The following CCDC7 variants were observed in gnomAD, a reference collection of about 807,000 sequenced individuals.
The protein encoded by CCDC7 is coiled-coil domain-containing protein 7.
A neutral mutation model predicts 196.9 loss-of-function variants in CCDC7; 183 were observed. The observed-to-expected ratio is 0.93, with a 90% CI of 0.82 to 1.05. The LOEUF (loss-of-function observed/expected upper bound fraction) is 1.05. Ranked by LOEUF, CCDC7 falls within the 50% of genes least tolerant of loss-of-function variation. The pLI is 0.00. For synonymous variants in CCDC7, 525 were observed against 484.6 expected (o/e 1.08, Z -1.10); for missense variants, 1,540 against 1,482.2 (o/e 1.04, Z -0.64).
intron 41 of CCDC7, among the ~76,000 whole-genome samples, chr10:32,867,748 T>A (rs1390436483): frequency 5.9e-5 from 9 of 151,950 alleles, no homozygotes; most frequent in East Asian, 1.9e-4. Context: ...AAAATTATTT[T>A]AAAAATTTTA....
At chr10:32,659,607 A>T (rs1302669516) in intron 20 of CCDC7, among the ~76,000 whole-genome samples, 7 of 152,200 alleles carry the variant, frequency 4.6e-5, no homozygotes, top group Admixed American at 1.3e-4. Context: ...ACGAAACTAA[A>T]ACACATTTAC....
intron 23 of CCDC7, 82 bp from the exon 25 acceptor site, chr10:32,694,797 A>T: frequency 2.7e-6 from 2 of 754,270 alleles, no homozygotes; most frequent in Non-Finnish European, 4.1e-6. Flanking sequence ...AAATTTTGCT[A>T]CACAATTACA....
chr10:32,739,371 A>G (rs2085422257), intron 28 of CCDC7, among the ~76,000 whole-genome samples: 1 of 151,960 alleles, frequency 6.6e-6, no homozygotes, highest in Admixed American at 6.6e-5. Flanking sequence ...ACACGTTTTC[A>G]AGCTCACTTA....
chr10:32,544,438 G>A (rs1413876363), intron 13 of CCDC7, 137 bp downstream of exon 14: 3 of 746,820 alleles, frequency 4.0e-6, no homozygotes, highest in Non-Finnish European at 5.8e-6. Context: ...GTGTGTGTGT[G>A]TACTAAAATT....
intron 24 of CCDC7, among the ~76,000 whole-genome samples, chr10:32,706,519 A>G (rs889728691): frequency 6.6e-6 from 1 of 152,148 alleles, no homozygotes; most frequent in South Asian, 2.1e-4. Context: ...CAAACAATCA[A>G]TTAATCCAGG....
At chr10:32,828,214 G>T (rs1212013900) in intron 32 of CCDC7, among the ~76,000 whole-genome samples, 2 of 151,876 alleles carry the variant, frequency 1.3e-5, no homozygotes, top group Admixed American at 1.3e-4. Context: ...CTGAACCAAA[G>T]TATACCTTCC....
chr10:32,794,133 CAGT>C (rs1401035710), intron 29 of CCDC7, among the ~76,000 whole-genome samples: 2 of 152,212 alleles, frequency 1.3e-5, no homozygotes, highest in Admixed American at 1.3e-4. Context: ...CCACATCAGG[CAGT>C]CCCCAGTATC....
At chr10:32,634,947 C>A (rs1453758760) in intron 19 of CCDC7, 110 bp from the exon 21 acceptor site, 1 of 394,262 alleles carries the variant, frequency 2.5e-6, no homozygotes, top group Non-Finnish European at 4.5e-6. Flanking sequence ...GAATACCTCA[C>A]TGCTGTAACT....
intron 32 of CCDC7, among the ~76,000 whole-genome samples, chr10:32,828,512 A>AGAGGAAGAGGAAGAGGAAGAG (rs1565635046): frequency 6.9e-6 from 1 of 144,428 alleles, no homozygotes; most frequent in African/African-American, 2.5e-5. Context: ...AAGAAGAAGA[A>AGAGGAAGAGGAAGAGGAAGAG]GAAGAAGAAG....
chr10:32,523,859 A>G (rs1034251335), intron 11 of CCDC7, among the ~76,000 whole-genome samples: 6 of 148,418 alleles, frequency 4.0e-5, no homozygotes, highest in East Asian at 2.0e-4. Context: ...TTTTCTGTCT[A>G]TGTGTCTCTT....
At chr10:32,828,544 AAG>A (rs1565635567) in intron 32 of CCDC7, among the ~76,000 whole-genome samples, 9 of 146,518 alleles carry the variant, frequency 6.1e-5, no homozygotes, top group Admixed American at 2.7e-4. Context: ...GAAGAAGAAG[AAG>A]AAGAAGAAGA....
At chr10:32,522,324 T>G (rs1321807734) in intron 11 of CCDC7, among the ~76,000 whole-genome samples, 1 of 152,208 alleles carries the variant, frequency 6.6e-6, no homozygotes, top group East Asian at 1.9e-4. Context: ...ACTGGGAGAC[T>G]TTTTATTATG....
At chr10:32,698,991 C>A (rs888447071) in intron 24 of CCDC7, among the ~76,000 whole-genome samples, 2 of 152,208 alleles carry the variant, frequency 1.3e-5, no homozygotes, top group Non-Finnish European at 2.9e-5. Flanking sequence ...GCCCATCAGA[C>A]TAACAGCTGA....
At chr10:32,805,708 G>T (rs1428156591) in intron 30 of CCDC7, among the ~76,000 whole-genome samples, 2 of 152,150 alleles carry the variant, frequency 1.3e-5, no homozygotes, top group Admixed American at 6.5e-5. Context: ...CTCAAAGAGG[G>T]ACCCTCTAAA....
intron 11 of CCDC7, among the ~76,000 whole-genome samples, chr10:32,533,802 T>G (rs745890439): frequency 3.3e-5 from 5 of 152,126 alleles, no homozygotes; most frequent in Admixed American, 6.6e-5. Flanking sequence ...TGTTATTTGC[T>G]TCTTTTCTCT....
chr10:32,620,931 A>G (rs760018902), intron 18 of CCDC7, among the ~76,000 whole-genome samples: 4 of 152,212 alleles, frequency 2.6e-5, no homozygotes, highest in African/African-American at 4.8e-5. Flanking sequence ...ACCATTAAGT[A>G]CAGAAACATT....
At chr10:32,676,189 A>AAGC (rs765959005) in intron 21 of CCDC7, among the ~76,000 whole-genome samples, 14 of 43,108 alleles carry the variant, frequency 3.2e-4, no homozygotes, top group Admixed American at 5.8e-4. Context: ...CATATGTAGA[A>AAGC]TCCCTTCCTT....
chr10:32,514,549 T>A (rs1018034988), intron 9 of CCDC7: 53 of 152,226 alleles, frequency 3.5e-4, no homozygotes, highest in African/African-American at 1.3e-3. Context: ...TTTCAAGTCA[T>A]CAGGCTGTGA....
At chr10:32,747,805 T>C (rs1318835936) in intron 28 of CCDC7, among the ~76,000 whole-genome samples, 2 of 152,198 alleles carry the variant, frequency 1.3e-5, no homozygotes, top group Non-Finnish European at 2.9e-5. Flanking sequence ...GTTTAGAGAT[T>C]GGTTCTCAAA....
Sources: allele counts gnomAD v4.1 joint callset (sites outside exome capture counted in the v4.1 genomes callset), GRCh38; gene constraint gnomAD v4.1.1; transcripts MANE v1.5; gene names NCBI Gene and HGNC (gene_info 2026-07-23, HGNC 2026-07-21).